PARM1: variants seen among roughly 807,000 people sequenced by gnomAD.
The protein encoded by PARM1 is WSC4, cell wall integrity and stress response component 4 homolog.
Under a neutral mutation model 24.6 loss-of-function variants are expected in PARM1, and 14 were observed. The observed-to-expected ratio is 0.57, with a 90% CI of 0.38 to 0.89. The LOEUF (loss-of-function observed/expected upper bound fraction) is 0.89, where lower values mean the gene tolerates loss of function less well. PARM1 is among the 40% of genes least tolerant of loss of function. The pLI is 0.00. For synonymous variants in PARM1, 179 were observed against 156.6 expected (o/e 1.14, Z -1.07); for missense variants, 362 against 380.4 (o/e 0.95, Z 0.40).
chr4:74,999,189 C>A (rs923608521), intron 1 of PARM1: 1 of 152,250 alleles, frequency 6.6e-6, no homozygotes, highest in African/African-American at 2.4e-5. Flanking sequence ...GGACAATGAT[C>A]CTCAGATTCT....
intron 1 of PARM1, among the ~76,000 whole-genome samples, chr4:74,989,511 T>A (rs1459117489): frequency 6.6e-6 from 1 of 152,182 alleles, no homozygotes; most frequent in East Asian, 1.9e-4. Context: ...CCATGCCCTC[T>A]CTGGCAGCCA....
At chr4:74,969,725 C>G (rs1023436473) in intron 1 of PARM1, 1 of 152,244 alleles carries the variant, frequency 6.6e-6, no homozygotes, top group Non-Finnish European at 1.5e-5. Flanking sequence ...CGTGAGAAGG[C>G]AGGTGTCTTT....
intron 3 of PARM1, among the ~76,000 whole-genome samples, chr4:75,036,576 G>T (rs888132956): frequency 1.3e-5 from 2 of 152,190 alleles, no homozygotes; most frequent in South Asian, 4.1e-4. Flanking sequence ...GACAGTCCTT[G>T]ATAGATAGCT....
chr4:74,975,061 T>A (rs1213306244), intron 1 of PARM1, among the ~76,000 whole-genome samples: 2 of 152,212 alleles, frequency 1.3e-5, no homozygotes, highest in Non-Finnish European at 2.9e-5. Flanking sequence ...ATGGGCAGCA[T>A]CAGACACTGC....
At chr4:74,967,060 A>G (rs575773970) in intron 1 of PARM1, 64 of 152,310 alleles carry the variant, frequency 4.2e-4, no homozygotes, top group African/African-American at 1.5e-3. Flanking sequence ...AACTGTAAAA[A>G]CTTTACATGT....
chr4:74,948,390 A>G (rs1395812215), intron 1 of PARM1, among the ~76,000 whole-genome samples: 3 of 152,214 alleles, frequency 2.0e-5, no homozygotes, highest in Non-Finnish European at 4.4e-5. Context: ...GTTCACCAGC[A>G]TTCCTTTCCT....
intron 2 of PARM1, among the ~76,000 whole-genome samples, chr4:75,021,139 T>G (rs1723081932): frequency 6.6e-6 from 1 of 152,240 alleles, no homozygotes; most frequent in Admixed American, 6.5e-5. Context: ...CAATCAATGA[T>G]TTTTGGTGAC....
At chr4:75,030,304 CT>C (rs1443512643) in intron 2 of PARM1, among the ~76,000 whole-genome samples, 1 of 152,192 alleles carries the variant, frequency 6.6e-6, no homozygotes, top group Admixed American at 6.5e-5. Flanking sequence ...CTTAATCTCT[CT>C]GAGCCTTAAC....
At chr4:75,033,086 T>A (rs1723302529) in intron 2 of PARM1, among the ~76,000 whole-genome samples, 2 of 152,236 alleles carry the variant, frequency 1.3e-5, no homozygotes, top group African/African-American at 4.8e-5. Context: ...AGAGTTTTTT[T>A]AAACTGCCCA....
intron 2 of PARM1, among the ~76,000 whole-genome samples, chr4:75,023,763 G>C (rs1465768115): frequency 2.0e-5 from 3 of 152,162 alleles, no homozygotes; most frequent in Admixed American, 2.0e-4. Context: ...TAAGAGAAAG[G>C]CAATCTTGGG....
At position 75,012,958 on chromosome 4, in the gene PARM1, C is replaced by G. The variant is rs1453515807; in HGVS notation, c.577C>G (p.Pro193Ala). ...STQPTGAPTA[P>A]ESPTEESSSD... ...CCAACCCACTGGAGCTCCAACTGCA[C>G]CAGAGTCCCCGACAGAGGAGTCCAG... Residue 193 changes from proline (P) to alanine (A), a missense_variant, in exon 2 of 4, where the codon CCA (proline) becomes GCA (alanine). Physicochemically the swap from Pro to Ala is conservative, Grantham distance 27 (BLOSUM62 -1). Coordinates refer to ENST00000307428, the MANE Select transcript of PARM1 (RefSeq NM_015393.4). 1 of 1,613,938 alleles carries G rather than the reference C, an allele frequency of 6.2e-7. No homozygotes were observed.
intron 1 of PARM1, among the ~76,000 whole-genome samples, chr4:74,994,485 TAGGCCACAAA>T (rs1376338450): frequency 6.6e-6 from 1 of 152,138 alleles, no homozygotes; most frequent in African/African-American, 2.4e-5. Flanking sequence ...TGTCCTTTTT[TAGGCCACAAA>T]AGGCTAAATA....
intron 1 of PARM1, among the ~76,000 whole-genome samples, chr4:74,995,330 G>A (rs974720460): frequency 2.6e-5 from 4 of 152,162 alleles, no homozygotes; most frequent in Non-Finnish European, 5.9e-5. Context: ...TGAGTGAGAT[G>A]TGATGAGATT....
chr4:75,017,110 C>T (rs1355622090), intron 2 of PARM1, among the ~76,000 whole-genome samples: 1 of 152,162 alleles, frequency 6.6e-6, no homozygotes, highest in African/African-American at 2.4e-5. Flanking sequence ...GAGATCTGGG[C>T]TGATCGCCTC....
chr4:75,008,024 A>G (rs532701843), intron 1 of PARM1, among the ~76,000 whole-genome samples: 1 of 152,360 alleles, frequency 6.6e-6, no homozygotes, highest in South Asian at 2.1e-4. Flanking sequence ...GTATTTAGTT[A>G]CAGCAGTCCT....
rs762585141 is a variant in PARM1 at position 75,012,793 on chromosome 4, C to A, written c.412C>A (p.Leu138Met). Residue 138 changes from leucine (L) to methionine (M), a missense_variant, in exon 2 of 4, where the codon CTG becomes ATG. By Grantham distance (15) the Leu-to-Met change is conservative. Coordinates refer to ENST00000307428, the MANE Select transcript of PARM1 (RefSeq NM_015393.4). ...GTPEAGVAAT[L>M]SQSAAEPPTL... ...TCCTGAAGCAGGCGTGGCAGCTACA[C>A]TGTCGCAGTCCGCTGCTGAGCCTCC... 1.9e-6 allele frequency: 3 copies of A among 1,614,020 alleles called. No homozygotes were observed. Among genetic ancestry groups the A allele is most frequent in the Admixed American group, 3.3e-5 (2 of 60,028 alleles).
chr4:75,045,102 C>T (rs928687555), intron 3 of PARM1, among the ~76,000 whole-genome samples: 9 of 152,050 alleles, frequency 5.9e-5, no homozygotes, highest in Non-Finnish European at 7.4e-5. Context: ...GACATTTGAG[C>T]GAAGACTTGA....
intron 1 of PARM1, among the ~76,000 whole-genome samples, chr4:74,934,121 G>A (rs1197794460): frequency 6.6e-6 from 1 of 152,132 alleles, no homozygotes; most frequent in Admixed American, 6.5e-5. Context: ...AGACGGCGAC[G>A]ACCTCTGGCA....
At chr4:74,966,165 C>T (rs746241115) in intron 1 of PARM1, among the ~76,000 whole-genome samples, 12 of 152,106 alleles carry the variant, frequency 7.9e-5, no homozygotes, top group Admixed American at 3.3e-4. Context: ...CCTTGCTAAG[C>T]GGACAGTGGT....
Sources: allele counts gnomAD v4.1 joint callset (sites outside exome capture counted in the v4.1 genomes callset), GRCh38; gene constraint gnomAD v4.1.1; transcripts MANE v1.5; gene names NCBI Gene and HGNC (gene_info 2026-07-23, HGNC 2026-07-21).